The following BAIAP2 variants were observed in gnomAD, a reference collection of about 807,000 sequenced individuals.
The protein encoded by BAIAP2 is BAR/IMD domain-containing adapter protein 2.
A neutral mutation model predicts 63.0 loss-of-function variants in BAIAP2; 18 were observed. The observed-to-expected ratio is 0.29, with a 90% CI of 0.20 to 0.42. BAIAP2 has a LOEUF of 0.42. Ranked by LOEUF, BAIAP2 falls within the 10% of genes least tolerant of loss-of-function variation. The pLI is 1.00. For missense variants in BAIAP2, 610 were observed against 734.3 expected (o/e 0.83, Z 1.96); for synonymous variants, 386 against 307.6 (o/e 1.25, Z -2.67).
chr17:81,082,102 C>A (rs1012150023), intron 3 of BAIAP2, among the ~76,000 whole-genome samples: 2 of 152,092 alleles, frequency 1.3e-5, no homozygotes, highest in African/African-American at 4.8e-5. Flanking sequence ...ACTGATCCAG[C>A]ATGACCTACC....
chr17:81,091,206 A>ACCCCC (rs1568150075), intron 6 of BAIAP2, among the ~76,000 whole-genome samples: 3 of 5,240 alleles, frequency 5.7e-4, no homozygotes, highest in African/African-American at 7.7e-4. Context: ...ACCCCACCCC[A>ACCCCC]CCCCACAGGC....
At chr17:81,052,444 C>T (rs2048821186) in intron 1 of BAIAP2, among the ~76,000 whole-genome samples, 1 of 152,232 alleles carries the variant, frequency 6.6e-6, no homozygotes, top group African/African-American at 2.4e-5. Context: ...GAAGGAGCAC[C>T]TGCCCTGGAA....
chr17:81,088,381 A>G (rs544205197), intron 6 of BAIAP2, among the ~76,000 whole-genome samples: 4 of 152,336 alleles, frequency 2.6e-5, no homozygotes, highest in Non-Finnish European at 2.9e-5. Context: ...TTTTGCTAAC[A>G]GCGTTTTTGA....
intron 6 of BAIAP2, among the ~76,000 whole-genome samples, chr17:81,091,458 G>A (rs2056755216): frequency 6.6e-6 from 1 of 152,136 alleles, no homozygotes. Context: ...TACGCAGAGA[G>A]TATAGTTCAC....
chr17:81,056,311 T>C (rs1467077815), intron 2 of BAIAP2: 1 of 152,210 alleles, frequency 6.6e-6, no homozygotes, highest in Admixed American at 6.5e-5. Flanking sequence ...TCTTGGCCAT[T>C]ACAATGAGAA....
intron 2 of BAIAP2, 184 bp from the exon 3 acceptor site, chr17:81,057,697 A>G: frequency 7.2e-7 from 1 of 1,382,812 alleles, no homozygotes; most frequent in Non-Finnish European, 9.3e-7. Flanking sequence ...TTGGGGTGAA[A>G]CAAGAATATC....
intron 3 of BAIAP2, among the ~76,000 whole-genome samples, chr17:81,067,178 A>G (rs2051639830): frequency 6.6e-6 from 1 of 151,970 alleles, no homozygotes; most frequent in African/African-American, 2.4e-5. Flanking sequence ...CCCCCACACT[A>G]TTCCTCCCTC....
chr17:81,035,519 C>T (rs2046099532), intron 1 of BAIAP2, among the ~76,000 whole-genome samples: 1 of 149,206 alleles, frequency 6.7e-6, no homozygotes, highest in South Asian at 2.1e-4. Flanking sequence ...CCACCCCCGC[C>T]CGGGCCCCCC....
At chr17:81,043,663 A>T (rs892098156) in intron 1 of BAIAP2, among the ~76,000 whole-genome samples, 1 of 152,188 alleles carries the variant, frequency 6.6e-6, no homozygotes, top group African/African-American at 2.4e-5. Context: ...TGCGCTGGAC[A>T]TTCTCTGTGC....
At chr17:81,053,774 G>C (rs1411710048) in intron 2 of BAIAP2, 31 bp downstream of exon 2, 1 of 1,606,942 alleles carries the variant, frequency 6.2e-7, no homozygotes, top group Non-Finnish European at 8.5e-7. Flanking sequence ...CGTGGGGTGG[G>C]AGCTGCCTCC....
chr17:81,074,134 C>T (rs1043107955), intron 3 of BAIAP2, among the ~76,000 whole-genome samples: 13 of 152,222 alleles, frequency 8.5e-5, no homozygotes, highest in African/African-American at 2.9e-4. Flanking sequence ...CTGTGGTAAC[C>T]TTCCTGTGTG....
intron 7 of BAIAP2, 91 bp downstream of exon 7, chr17:81,100,171 C>T (rs1254027093): frequency 1.5e-5 from 22 of 1,429,546 alleles, no homozygotes; most frequent in Middle Eastern, 2.6e-4. Context: ...CCCGTGAACA[C>T]ACCGGGGCAG....
At position 81,073,189 on chromosome 17, in the gene BAIAP2, C is replaced by T. The variant is rs142069323; in HGVS notation, c.218-11643C>T. On this transcript the variant is annotated intron_variant, in intron 3 of 13. Transcript: ENST00000428708. ...CCCATGCCAGGGCTCAGCACCCCTG[C>T]TCCTCAGAGATCGAAGCCTCCTTCT... Among the ~76,000 whole-genome samples the T allele has an allele frequency of 1.9e-3, 290 of 152,286 alleles. 4 individuals are homozygous for T. Among genetic ancestry groups the T allele is most frequent in the African/African-American group, 6.4e-3 (265 of 41,568 alleles).
chr17:81,096,329 T>C (rs994467274), intron 6 of BAIAP2, among the ~76,000 whole-genome samples: 1 of 152,170 alleles, frequency 6.6e-6, no homozygotes, highest in Non-Finnish European at 1.5e-5. Context: ...ATCCTCATGA[T>C]GGGGTGCGTT....
intron 1 of BAIAP2, among the ~76,000 whole-genome samples, chr17:81,051,990 C>T (rs2048745950): frequency 6.6e-6 from 1 of 152,232 alleles, no homozygotes; most frequent in Admixed American, 6.5e-5. Flanking sequence ...GCATCTGACC[C>T]AGCGGAATCT....
intron 3 of BAIAP2, among the ~76,000 whole-genome samples, chr17:81,067,663 C>G (rs1254262705): frequency 6.6e-6 from 1 of 152,230 alleles, no homozygotes; most frequent in African/African-American, 2.4e-5. Context: ...TCTCACTCAG[C>G]AAGAGGCTCT....
chr17:81,086,689 G>C, intron 6 of BAIAP2, 109 bp downstream of exon 6: 1 of 1,289,652 alleles, frequency 7.8e-7, no homozygotes, highest in Non-Finnish European at 1.1e-6. Flanking sequence ...GGTGCGATCA[G>C]ACAGAGGCAG....
chr17:81,102,665 C>T (rs1228919039), intron 7 of BAIAP2, among the ~76,000 whole-genome samples: 1 of 152,202 alleles, frequency 6.6e-6, no homozygotes, highest in Non-Finnish European at 1.5e-5. Context: ...GAATGGCTGT[C>T]GTCCAACATC....
At chr17:81,056,050 T>C (rs1430635762) in intron 2 of BAIAP2, among the ~76,000 whole-genome samples, 1 of 152,146 alleles carries the variant, frequency 6.6e-6, no homozygotes, top group African/African-American at 2.4e-5. Flanking sequence ...ACCCCAGTTG[T>C]TGGGCAGCTT....
Sources: allele counts gnomAD v4.1 joint callset (sites outside exome capture counted in the v4.1 genomes callset), GRCh38; gene constraint gnomAD v4.1.1; transcripts MANE v1.5; gene names NCBI Gene and HGNC (gene_info 2026-07-23, HGNC 2026-07-21).